The following TMEFF2 variants were observed in gnomAD, a reference collection of about 807,000 sequenced individuals.
The protein encoded by TMEFF2 is transmembrane protein with EGF like and two follistatin like domains 2, also known as tomoregulin-2.
In TMEFF2, 28 loss-of-function variants were observed where a neutral mutation model predicts 53.8. That is an observed-to-expected ratio of 0.52 (90% CI 0.39 to 0.71). The LOEUF is 0.71. Among genes scored for constraint, TMEFF2 ranks in the 30% least tolerant of loss-of-function variants. TMEFF2 has a pLI of 0.00. For synonymous variants in TMEFF2, 162 were observed against 166.3 expected (o/e 0.97, Z 0.20); for missense variants, 353 against 455.2 (o/e 0.78, Z 2.04).
chr2:191,986,283 T>C (rs1685972752), intron 7 of TMEFF2, among the ~76,000 whole-genome samples: 1 of 152,140 alleles, frequency 6.6e-6, no homozygotes, highest in South Asian at 2.1e-4. Flanking sequence ...AGTAATTTAA[T>C]CAAAATTTGT....
At chr2:191,998,638 A>G (rs1686281247) in intron 6 of TMEFF2, among the ~76,000 whole-genome samples, 1 of 152,052 alleles carries the variant, frequency 6.6e-6, no homozygotes, top group Non-Finnish European at 1.5e-5. Flanking sequence ...AGAACATTCT[A>G]GTACCTCTTG....
chr2:192,019,390 G>A (rs1395252874), intron 5 of TMEFF2, among the ~76,000 whole-genome samples: 1 of 151,822 alleles, frequency 6.6e-6, no homozygotes, highest in African/African-American at 2.4e-5. Context: ...ATATAAATAA[G>A]TAGTTGCTGA....
intron 4 of TMEFF2, among the ~76,000 whole-genome samples, chr2:192,162,504 A>T (rs944329599): frequency 6.6e-6 from 1 of 152,192 alleles, no homozygotes; most frequent in African/African-American, 2.4e-5. Context: ...AATAACTTCT[A>T]TTCCAACTCA....
chr2:192,070,227 T>A (rs1688264764), intron 4 of TMEFF2, among the ~76,000 whole-genome samples: 1 of 151,610 alleles, frequency 6.6e-6, no homozygotes, highest in Non-Finnish European at 1.5e-5. Flanking sequence ...TAAAGCATAT[T>A]GGTAACAATA....
chr2:192,026,768 T>A (rs545330782), intron 5 of TMEFF2, among the ~76,000 whole-genome samples: 27 of 152,340 alleles, frequency 1.8e-4, no homozygotes, highest in Admixed American at 5.2e-4. Flanking sequence ...AGTGAAAGCT[T>A]ATGCATTGTG....
chr2:191,959,514 C>A (rs1173378070), intron 7 of TMEFF2, among the ~76,000 whole-genome samples: 1 of 152,084 alleles, frequency 6.6e-6, no homozygotes, highest in East Asian at 1.9e-4. Flanking sequence ...CAGAGAATGG[C>A]AAATGGTGAG....
At chr2:192,142,073 A>G (rs1364020669) in intron 4 of TMEFF2, among the ~76,000 whole-genome samples, 1 of 152,116 alleles carries the variant, frequency 6.6e-6, no homozygotes, top group Non-Finnish European at 1.5e-5. Flanking sequence ...TTTTTTAAAG[A>G]CCCTCTTTGG....
intron 7 of TMEFF2, among the ~76,000 whole-genome samples, chr2:191,972,397 A>G (rs1692674448): frequency 1.4e-5 from 2 of 142,202 alleles, no homozygotes; most frequent in South Asian, 4.3e-4. Flanking sequence ...TCCTGACCTC[A>G]GGTGATCTGC....
At chr2:192,132,682 C>T (rs1201170862) in intron 4 of TMEFF2, among the ~76,000 whole-genome samples, 2 of 152,198 alleles carry the variant, frequency 1.3e-5, no homozygotes, top group South Asian at 2.1e-4. Flanking sequence ...AGGCCCGCTT[C>T]CCCCAGGAGC....
At chr2:192,080,906 A>T (rs1300213216) in intron 4 of TMEFF2, among the ~76,000 whole-genome samples, 1 of 151,958 alleles carries the variant, frequency 6.6e-6, no homozygotes, top group Non-Finnish European at 1.5e-5. Context: ...ATTCTGTGTG[A>T]TATTTAAAGG....
intron 4 of TMEFF2, among the ~76,000 whole-genome samples, chr2:192,110,274 C>T (rs1689243743): frequency 6.6e-6 from 1 of 152,062 alleles, no homozygotes; most frequent in Non-Finnish European, 1.5e-5. Context: ...ACCCAGAGGT[C>T]ATTGGTGACT....
At chr2:192,133,633 C>T (rs1013807141) in intron 4 of TMEFF2, among the ~76,000 whole-genome samples, 1 of 152,204 alleles carries the variant, frequency 6.6e-6, no homozygotes. Context: ...CAATACCTCC[C>T]TCCACAATCC....
chr2:192,058,613 G>A (rs1057115199), intron 4 of TMEFF2, among the ~76,000 whole-genome samples: 7 of 152,106 alleles, frequency 4.6e-5, no homozygotes, highest in African/African-American at 1.4e-4. Flanking sequence ...TACAAGGAAT[G>A]AGCAACACTT....
intron 4 of TMEFF2, among the ~76,000 whole-genome samples, chr2:192,131,354 G>C (rs190999801): frequency 1.3e-5 from 2 of 150,186 alleles, no homozygotes; most frequent in African/African-American, 4.9e-5. Flanking sequence ...TGCTTTTCTG[G>C]GGAAGGGGCA....
intron 4 of TMEFF2, among the ~76,000 whole-genome samples, chr2:192,106,501 GACA>G (rs1689152703): frequency 6.6e-6 from 1 of 151,148 alleles, no homozygotes; most frequent in Admixed American, 6.6e-5. Context: ...CTAAAACACT[GACA>G]ACACTTAGCC....
At position 191,965,098 on chromosome 2, in the gene TMEFF2, C is replaced by T. The variant is rs1692432344; in HGVS notation, c.746-8720G>A. 2.0e-5 allele frequency among the ~76,000 whole-genome samples: 3 copies of T among 152,244 alleles called. No individual in the cohort carries two copies. The South Asian group carries it at 6.2e-4, about 32-fold the overall frequency. ...AGGCCTTTATTTGTCATTTTACTGCCTCTGACTTCCAAATATTGATTAGTC... is the reference window on the plus strand; with the variant it reads ...AGGCCTTTATTTGTCATTTTACTGCTTCTGACTTCCAAATATTGATTAGTC... On this transcript the variant is annotated intron_variant, in intron 7 of 9. Coordinates refer to ENST00000272771, the MANE Select transcript of TMEFF2 (RefSeq NM_016192.4).
intron 7 of TMEFF2, among the ~76,000 whole-genome samples, chr2:191,967,010 A>C (rs1692490592): frequency 6.6e-6 from 1 of 152,028 alleles, no homozygotes; most frequent in African/African-American, 2.4e-5. Context: ...TTCTCGATGA[A>C]AACTGGTTTA....
At chr2:192,038,923 T>C (rs958743710) in intron 5 of TMEFF2, among the ~76,000 whole-genome samples, 2 of 152,148 alleles carry the variant, frequency 1.3e-5, no homozygotes, top group African/African-American at 4.8e-5. Flanking sequence ...TTCTAGCCAA[T>C]GTTATAGGCA....
At chr2:191,951,618 A>AGGAAAGTAGG (rs1276149202) in intron 9 of TMEFF2, among the ~76,000 whole-genome samples, 1 of 152,076 alleles carries the variant, frequency 6.6e-6, no homozygotes, top group East Asian at 1.9e-4. Flanking sequence ...CCAGGTCATC[A>AGGAAAGTAGG]GGAAAGTAGG....
Sources: gnomAD v4.1 joint callset for allele counts (sites outside exome capture counted in the v4.1 genomes callset) on GRCh38, gnomAD v4.1.1 for gene constraint, MANE v1.5 for transcripts, NCBI Gene and HGNC (gene_info 2026-07-23, HGNC 2026-07-21) for gene names.